Variants in GLIS3 observed in about 807,000 individuals in gnomAD.
GLIS3 encodes GLIS family zinc finger 3.
Under a neutral mutation model 78.6 loss-of-function variants are expected in GLIS3, and 53 were observed. That is an observed-to-expected ratio of 0.67 (90% confidence interval 0.54 to 0.85). The LOEUF (loss-of-function observed/expected upper bound fraction) is 0.85. Ranked by LOEUF, GLIS3 falls within the 40% of genes least tolerant of loss-of-function variation. GLIS3 has a pLI of 0.00. For missense variants in GLIS3, 1,703 were observed against 1,231.1 expected (o/e 1.38, Z -5.74); for synonymous variants, 684 against 509.9 (o/e 1.34, Z -4.60).
chr9:4,185,127 G>A (rs1379402629), intron 2 of GLIS3, among the ~76,000 whole-genome samples: 1 of 152,036 alleles, frequency 6.6e-6, no homozygotes, highest in Non-Finnish European at 1.5e-5. Context: ...TCCAACCCTA[G>A]GCAACAACTT....
chr9:4,038,371 T>A (rs1373546539), intron 4 of GLIS3, among the ~76,000 whole-genome samples: 2 of 152,178 alleles, frequency 1.3e-5, no homozygotes, highest in African/African-American at 4.8e-5. Flanking sequence ...GTTTTACAAC[T>A]GAATAAACTG....
the GLIS3 span, among the ~76,000 whole-genome samples, chr9:4,387,443 G>A: frequency 6.6e-6 from 1 of 152,126 alleles, no homozygotes; most frequent in Non-Finnish European, 1.5e-5. Context: ...TGTCCTCACG[G>A]TTGCACATTT....
At chr9:4,251,765 G>C (rs768221591) in intron 2 of GLIS3, among the ~76,000 whole-genome samples, 1 of 152,108 alleles carries the variant, frequency 6.6e-6, no homozygotes, top group Admixed American at 6.6e-5. Context: ...TCCATGTTTA[G>C]TGCTTCCTTC....
At chr9:4,072,926 T>TA (rs1160263946) in intron 4 of GLIS3, among the ~76,000 whole-genome samples, 1 of 152,090 alleles carries the variant, frequency 6.6e-6, no homozygotes, top group African/African-American at 2.4e-5. Context: ...AAATTAACAG[T>TA]AAAACAACTC....
intron 2 of GLIS3, among the ~76,000 whole-genome samples, chr9:4,220,845 C>T (rs1474307345): frequency 1.3e-5 from 2 of 152,026 alleles, no homozygotes; most frequent in African/African-American, 2.4e-5. Context: ...ATTAACCAGG[C>T]ATGGAGGTAT....
chr9:4,471,227 A>C, the GLIS3 span, among the ~76,000 whole-genome samples: 14 of 152,206 alleles, frequency 9.2e-5, no homozygotes, highest in African/African-American at 3.4e-4. Context: ...GCTACCAATG[A>C]CTTTCTTCAC....
chr9:3,891,338 GT>G (rs1822429939), intron 7 of GLIS3, among the ~76,000 whole-genome samples: 1 of 152,130 alleles, frequency 6.6e-6, no homozygotes, highest in African/African-American at 2.4e-5. Context: ...ATTTATAAAT[GT>G]TACATTTGAG....
At chr9:4,343,153 A>T (rs1817858293) in intron 2 of GLIS3, among the ~76,000 whole-genome samples, 1 of 147,884 alleles carries the variant, frequency 6.8e-6, no homozygotes, top group Admixed American at 6.9e-5. Flanking sequence ...AGCCTGGGCA[A>T]CATAGCAAGA....
At chr9:4,225,277 G>A (rs892951843) in intron 2 of GLIS3, among the ~76,000 whole-genome samples, 1 of 152,166 alleles carries the variant, frequency 6.6e-6, no homozygotes. Flanking sequence ...CCTAGGACCT[G>A]TGACTCAAAT....
intron 4 of GLIS3, among the ~76,000 whole-genome samples, chr9:3,944,033 A>G (rs1816117909): frequency 6.6e-6 from 1 of 152,202 alleles, no homozygotes; most frequent in Admixed American, 6.5e-5. Context: ...TGTATAAAAC[A>G]AGGGTTACTG....
At chr9:3,933,574 G>A (rs113770102) in intron 5 of GLIS3, among the ~76,000 whole-genome samples, 59 of 152,248 alleles carry the variant, frequency 3.9e-4, no homozygotes, top group African/African-American at 1.4e-3. Context: ...ATTAATAGTA[G>A]CTGATATGCT....
At chr9:4,010,257 T>C (rs994686830) in intron 4 of GLIS3, among the ~76,000 whole-genome samples, 1 of 152,222 alleles carries the variant, frequency 6.6e-6, no homozygotes, top group East Asian at 1.9e-4. Flanking sequence ...TGCCACTTAC[T>C]AGACATATAA....
intron 4 of GLIS3, among the ~76,000 whole-genome samples, chr9:4,058,308 A>T (rs1444541564): frequency 2.6e-5 from 4 of 152,228 alleles, no homozygotes; most frequent in Admixed American, 1.3e-4. Flanking sequence ...ATACACAATA[A>T]GGCATAAAAA....
chr9:3,986,762 A>G (rs1320992303), intron 4 of GLIS3, among the ~76,000 whole-genome samples: 1 of 152,250 alleles, frequency 6.6e-6, no homozygotes, highest in African/African-American at 2.4e-5. Context: ...CAAAAATAGT[A>G]AAGGCTTTGA....
chr9:4,328,358 C>G (rs1364337485), intron 2 of GLIS3, among the ~76,000 whole-genome samples: 1 of 152,204 alleles, frequency 6.6e-6, no homozygotes, highest in Non-Finnish European at 1.5e-5. Flanking sequence ...CCACTCAACC[C>G]ACTAACCAGC....
chr9:4,476,949 T>C, the GLIS3 span, among the ~76,000 whole-genome samples: 6 of 152,276 alleles, frequency 3.9e-5, no homozygotes, highest in African/African-American at 1.4e-4. Flanking sequence ...ACTGGAACCC[T>C]TGTTCATTGC....
In GLIS3 at chr9:4,185,874, G is replaced by C. The variant is rs191874587; in HGVS notation, c.389-59933C>G. The stretch of plus-strand genomic sequence containing the variant: ...AAGCTGGAGGGCAAGGCAGCCCAGG[G>C]ACATGTTCCACACAAACCAGCCTTT... On this transcript the variant is annotated intron_variant, in intron 2 of 10. Coordinates refer to ENST00000381971, the MANE Select transcript of GLIS3 (RefSeq NM_001042413.2). Among the ~76,000 whole-genome samples the C allele has an allele frequency of 3.1e-4, 47 of 152,310 alleles. No individual in the cohort carries two copies. The South Asian group carries it at 9.3e-3, about 30-fold the overall frequency.
At chr9:4,405,878 A>C in the GLIS3 span, among the ~76,000 whole-genome samples, 9 of 152,372 alleles carry the variant, frequency 5.9e-5, no homozygotes, top group African/African-American at 1.9e-4. Flanking sequence ...ATTATGATCA[A>C]ATGGGATTTA....
chr9:3,850,718 G>C (rs1292545344), intron 9 of GLIS3, among the ~76,000 whole-genome samples: 2 of 152,112 alleles, frequency 1.3e-5, no homozygotes, highest in Non-Finnish European at 2.9e-5. Flanking sequence ...CTGGCCTTGT[G>C]AGTTCTCCAT....
Sources: gnomAD v4.1 joint callset for allele counts (sites outside exome capture counted in the v4.1 genomes callset) on GRCh38, gnomAD v4.1.1 for gene constraint, MANE v1.5 for transcripts, NCBI Gene and HGNC (gene_info 2026-07-23, HGNC 2026-07-21) for gene names.